The following CTNNA3 variants were observed in gnomAD, a reference collection of about 807,000 sequenced individuals.
The protein encoded by CTNNA3 is catenin alpha 3.
Under a neutral mutation model 95.7 loss-of-function variants are expected in CTNNA3, and 76 were observed. That is an observed-to-expected ratio of 0.79 (90% CI 0.66 to 0.96). The LOEUF (loss-of-function observed/expected upper bound fraction) is 0.96. Among genes scored for constraint, CTNNA3 ranks in the 40% least tolerant of loss-of-function variants. CTNNA3 has a pLI of 0.00. For synonymous variants in CTNNA3, 431 were observed against 374.4 expected, an observed-to-expected ratio of 1.15 and a Z score of -1.74; for missense variants, 1,191 against 1,089.8, an observed-to-expected ratio of 1.09 and a Z score of -1.31.
At chr10:66,670,470 T>C (rs1474376846) in intron 9 of CTNNA3, among the ~76,000 whole-genome samples, 1 of 152,134 alleles carries the variant, frequency 6.6e-6, no homozygotes, top group Non-Finnish European at 1.5e-5. Flanking sequence ...TCACTTTCCT[T>C]GGCTCAGCGT....
chr10:67,275,789 G>A (rs759094022), intron 5 of CTNNA3, among the ~76,000 whole-genome samples: 6 of 151,978 alleles, frequency 3.9e-5, no homozygotes, highest in Non-Finnish European at 8.8e-5. Flanking sequence ...TCCTTTTCAG[G>A]TTAAATCAAC....
At chr10:67,006,264 T>C (rs1851981878) in intron 7 of CTNNA3, among the ~76,000 whole-genome samples, 1 of 152,122 alleles carries the variant, frequency 6.6e-6, no homozygotes, top group Admixed American at 6.5e-5. Flanking sequence ...CTCTCTTCTC[T>C]ACATCACACC....
At chr10:66,910,889 G>A (rs181448007) in intron 7 of CTNNA3, among the ~76,000 whole-genome samples, 3 of 152,316 alleles carry the variant, frequency 2.0e-5, no homozygotes, top group Non-Finnish European at 2.9e-5. Context: ...AGCTATTCAT[G>A]GGATTTAAAG....
At chr10:66,956,247 C>T (rs1042169528) in intron 7 of CTNNA3, among the ~76,000 whole-genome samples, 7 of 150,942 alleles carry the variant, frequency 4.6e-5, no homozygotes, top group African/African-American at 7.3e-5. Context: ...ATCTAGGATG[C>T]GTTTCAATAA....
intron 7 of CTNNA3, among the ~76,000 whole-genome samples, chr10:66,895,277 T>G (rs1174108604): frequency 6.6e-6 from 1 of 152,062 alleles, no homozygotes; most frequent in African/African-American, 2.4e-5. Context: ...TTGCAGTCTT[T>G]TTGTTACAAA....
chr10:65,974,508 T>C (rs964608377), intron 16 of CTNNA3, among the ~76,000 whole-genome samples: 1 of 152,068 alleles, frequency 6.6e-6, no homozygotes, highest in African/African-American at 2.4e-5. Flanking sequence ...TCAAATACCA[T>C]ATGTTCTTAC....
chr10:67,697,297 T>C (rs1013866858), upstream of CTNNA3, among the ~76,000 whole-genome samples: 1 of 152,364 alleles, frequency 6.6e-6, no homozygotes. Flanking sequence ...AGGAATAGCA[T>C]CTTTTCACAG....
chr10:66,359,189 A>T (rs933061082), intron 12 of CTNNA3, among the ~76,000 whole-genome samples: 1 of 152,202 alleles, frequency 6.6e-6, no homozygotes, highest in Admixed American at 6.5e-5. Flanking sequence ...CACTTATATG[A>T]TGAGAAGCTG....
In CTNNA3 at chr10:67,172,626, T is replaced by C. The variant is rs545679940; in HGVS notation, c.1047+7691A>G. Among the ~76,000 whole-genome samples the C allele has an allele frequency of 3.5e-4, 53 of 152,280 alleles. 3 individuals are homozygous for C. In the South Asian group the frequency reaches 8.5e-3, roughly 24 times the overall value. ...CCTCTCAGTTTGCTTGAGATGCCTTTTGTAGATCAATTAAGGTCTGTTGAC... is the reference window on the plus strand; with the variant it reads ...CCTCTCAGTTTGCTTGAGATGCCTTCTGTAGATCAATTAAGGTCTGTTGAC... On this transcript the variant is annotated intron_variant, in intron 7 of 17. Transcript: ENST00000433211.
chr10:66,443,126 C>A (rs969490495), intron 11 of CTNNA3, among the ~76,000 whole-genome samples: 1 of 152,146 alleles, frequency 6.6e-6, no homozygotes, highest in African/African-American at 2.4e-5. Flanking sequence ...CCTGTCATTG[C>A]CCAGGCTTGA....
intron 7 of CTNNA3, among the ~76,000 whole-genome samples, chr10:66,814,895 A>G (rs1842016414): frequency 7.5e-6 from 1 of 132,922 alleles, no homozygotes; most frequent in East Asian, 2.2e-4. Context: ...TCTGTCACCC[A>G]GGCTGGAGTG....
At chr10:66,706,740 C>T (rs557689745) in intron 9 of CTNNA3, among the ~76,000 whole-genome samples, 12 of 152,048 alleles carry the variant, frequency 7.9e-5, no homozygotes, top group African/African-American at 1.9e-4. Context: ...CATAGTTCTT[C>T]CTGCCATGCA....
intron 11 of CTNNA3, among the ~76,000 whole-genome samples, chr10:66,382,487 C>T (rs77881955): frequency 0.076 from 11,607 of 152,214 alleles, 566 homozygotes; most frequent in East Asian, 0.22. Context: ...TAGACTCCAT[C>T]TCTTGGGCAG....
intron 7 of CTNNA3, among the ~76,000 whole-genome samples, chr10:67,026,317 C>T (rs1853388200): frequency 6.6e-6 from 1 of 151,574 alleles, no homozygotes; most frequent in Admixed American, 6.6e-5. Context: ...AATCCAGATT[C>T]AAGTAGAGTT....
chr10:67,665,647 T>C (rs1290194874), intron 1 of CTNNA3: 1 of 152,192 alleles, frequency 6.6e-6, no homozygotes, highest in East Asian at 1.9e-4. Flanking sequence ...CAATTTGGCT[T>C]ATGATGCATC....
intron 9 of CTNNA3, among the ~76,000 whole-genome samples, chr10:66,647,040 G>C (rs185579423): frequency 6.6e-6 from 1 of 151,908 alleles, no homozygotes; most frequent in Non-Finnish European, 1.5e-5. Flanking sequence ...AAAAGAATGC[G>C]GCTGCACCTC....
intron 11 of CTNNA3, among the ~76,000 whole-genome samples, chr10:66,451,288 T>C (rs1185109109): frequency 6.6e-6 from 1 of 152,202 alleles, no homozygotes; most frequent in Non-Finnish European, 1.5e-5. Context: ...CTTTTTATGC[T>C]TGACACGTGT....
At chr10:66,273,587 T>C (rs2132137445) in intron 13 of CTNNA3, among the ~76,000 whole-genome samples, 1 of 152,164 alleles carries the variant, frequency 6.6e-6, no homozygotes, top group African/African-American at 2.4e-5. Flanking sequence ...AAAAATTGAG[T>C]TTCAAAACAT....
At chr10:66,765,429 C>T (rs1222520468) in intron 9 of CTNNA3, among the ~76,000 whole-genome samples, 1 of 152,074 alleles carries the variant, frequency 6.6e-6, no homozygotes, top group Non-Finnish European at 1.5e-5. Context: ...CCAGAGTAGA[C>T]ACCAGCCATG....
Sources: gnomAD v4.1 joint callset for allele counts (sites outside exome capture counted in the v4.1 genomes callset) on GRCh38, gnomAD v4.1.1 for gene constraint, MANE v1.5 for transcripts, NCBI Gene and HGNC (gene_info 2026-07-23, HGNC 2026-07-21) for gene names.